PRIM2: variants seen among roughly 807,000 people sequenced by gnomAD.
The protein encoded by PRIM2 is DNA primase large subunit.
PRIM2 carries 39 observed loss-of-function variants against 67.3 expected under a neutral mutation model. That is an observed-to-expected ratio of 0.58 (90% CI 0.45 to 0.76). The LOEUF (loss-of-function observed/expected upper bound fraction) is 0.76, where lower values mean the gene tolerates loss of function less well. PRIM2 is among the 30% of genes least tolerant of loss of function. The pLI, the probability that PRIM2 is intolerant of heterozygous loss-of-function variation, is 0.00. For synonymous variants in PRIM2, 143 were observed against 198.7 expected, an observed-to-expected ratio of 0.72 and a Z score of 2.36; for missense variants, 398 against 598.7, an observed-to-expected ratio of 0.66 and a Z score of 3.50.
At chr6:57,263,048 C>T in the PRIM2 span, among the ~76,000 whole-genome samples, 17 of 152,220 alleles carry the variant, frequency 1.1e-4, 1 homozygote, top group Non-Finnish European at 1.6e-4. Context: ...ATGAATGACT[C>T]CTAGTACAAT....
intron 12 of PRIM2, among the ~76,000 whole-genome samples, chr6:57,614,574 G>T (rs1418958286): frequency 1.3e-5 from 2 of 152,086 alleles, no homozygotes; most frequent in Non-Finnish European, 2.9e-5. Context: ...ACGTTGGCTG[G>T]GTGTGGTGGC....
At chr6:57,398,373 G>A (rs984805965) in intron 7 of PRIM2, among the ~76,000 whole-genome samples, 2 of 152,092 alleles carry the variant, frequency 1.3e-5, no homozygotes, top group Admixed American at 1.3e-4. Flanking sequence ...TAGTTTAAAA[G>A]AACTTCTTAA....
chr6:57,493,925 G>A (rs1773949701), intron 7 of PRIM2: 2 of 152,090 alleles, frequency 1.3e-5, no homozygotes. Flanking sequence ...TTGCTTGTCT[G>A]GTTATCCATC....
At chr6:57,530,572 C>T (rs1326476652) in intron 8 of PRIM2, among the ~76,000 whole-genome samples, 1 of 152,156 alleles carries the variant, frequency 6.6e-6, no homozygotes, top group Non-Finnish European at 1.5e-5. Flanking sequence ...TGCCTTCACT[C>T]AATAATCCTT....
intron 7 of PRIM2, among the ~76,000 whole-genome samples, chr6:57,437,687 A>G: frequency 7.0e-6 from 1 of 142,344 alleles, no homozygotes; most frequent in East Asian, 2.0e-4. Flanking sequence ...TTTTTTTAAG[A>G]CAGGGTCTTA....
At chr6:57,429,039 G>A (rs1246449519) in intron 7 of PRIM2, among the ~76,000 whole-genome samples, 2 of 152,120 alleles carry the variant, frequency 1.3e-5, no homozygotes, top group Non-Finnish European at 2.9e-5. Flanking sequence ...TGCAGCCTTG[G>A]CAACCATAAT....
upstream of PRIM2, among the ~76,000 whole-genome samples, chr6:57,316,072 G>T (rs914084354): frequency 1.7e-4 from 26 of 152,188 alleles, no homozygotes; most frequent in African/African-American, 6.3e-4. Flanking sequence ...GGGGCCTGGA[G>T]AGTTTCTCTG....
chr6:57,323,391 TGA>T (rs1376373243), intron 3 of PRIM2, among the ~76,000 whole-genome samples: 1 of 152,064 alleles, frequency 6.6e-6, no homozygotes, highest in Non-Finnish European at 1.5e-5. Context: ...GTTGAGGTGG[TGA>T]GCACCTTGGA....
At chr6:57,444,583 AT>A (rs1421112456) in intron 7 of PRIM2, among the ~76,000 whole-genome samples, 3 of 149,386 alleles carry the variant, frequency 2.0e-5, no homozygotes, top group African/African-American at 7.5e-5. Flanking sequence ...AAAAAAAAAA[AT>A]TATGGTATTA....
intron 7 of PRIM2, among the ~76,000 whole-genome samples, chr6:57,458,713 A>G (rs1263801185): frequency 1.3e-5 from 2 of 152,136 alleles, no homozygotes; most frequent in South Asian, 2.1e-4. Context: ...AAACAAACAG[A>G]AACAAATCTA....
intron 5 of PRIM2, among the ~76,000 whole-genome samples, chr6:57,335,563 C>T (rs1311407735): frequency 6.6e-6 from 1 of 151,592 alleles, no homozygotes; most frequent in Non-Finnish European, 1.5e-5. Flanking sequence ...CCCTGACCCC[C>T]GAGCAGCCTA....
At chr6:57,559,893 G>A (rs1169564278) in intron 10 of PRIM2, among the ~76,000 whole-genome samples, 1 of 152,004 alleles carries the variant, frequency 6.6e-6, no homozygotes, top group Non-Finnish European at 1.5e-5. Context: ...TAATCTTTTT[G>A]CTGGTGGAGG....
At chr6:57,326,303 A>T (rs969263073) in intron 5 of PRIM2, 1 of 301,016 alleles carries the variant, frequency 3.3e-6, no homozygotes, top group African/African-American at 2.2e-5. Flanking sequence ...GGTTTAGTTT[A>T]TAAAGGTTCA....
the PRIM2 span, among the ~76,000 whole-genome samples, chr6:57,298,895 C>T: frequency 6.6e-6 from 1 of 152,118 alleles, no homozygotes; most frequent in East Asian, 1.9e-4. Flanking sequence ...CTGCCTCCCC[C>T]ACCCTATTCT....
the PRIM2 span, among the ~76,000 whole-genome samples, chr6:57,289,913 C>G: frequency 6.6e-6 from 1 of 152,094 alleles, no homozygotes; most frequent in African/African-American, 2.4e-5. Flanking sequence ...GGCAAAATAA[C>G]CTGCTAACAT....
chr6:57,645,264 A>G (rs1300604682), intron 13 of PRIM2, among the ~76,000 whole-genome samples: 4 of 151,152 alleles, frequency 2.6e-5, no homozygotes, highest in Non-Finnish European at 5.9e-5. Flanking sequence ...GGAACTGGGG[A>G]TACAATAATG....
At chr6:57,414,588 A>G (rs1237444379) in intron 7 of PRIM2, among the ~76,000 whole-genome samples, 3 of 152,126 alleles carry the variant, frequency 2.0e-5, no homozygotes, top group Non-Finnish European at 4.4e-5. Context: ...ATAATTCCAT[A>G]TATGAATCTT....
At chr6:57,254,302 T>C in the PRIM2 span, among the ~76,000 whole-genome samples, 1 of 152,214 alleles carries the variant, frequency 6.6e-6, no homozygotes, top group Non-Finnish European at 1.5e-5. Flanking sequence ...TCGCCACATA[T>C]ATACACTTTT....
intron 12 of PRIM2, among the ~76,000 whole-genome samples, chr6:57,609,231 A>G (rs1270558733): frequency 6.6e-6 from 1 of 152,222 alleles, no homozygotes; most frequent in African/African-American, 2.4e-5. Context: ...TGGAGGAAGG[A>G]CGATATGTAC....
Sources: allele counts gnomAD v4.1 joint callset (sites outside exome capture counted in the v4.1 genomes callset), GRCh38; gene constraint gnomAD v4.1.1; transcripts MANE v1.5; gene names NCBI Gene and HGNC (gene_info 2026-07-23, HGNC 2026-07-21).